The following EMC1 variants were observed in gnomAD, a reference collection of about 807,000 sequenced individuals.
The protein encoded by EMC1 is ER membrane protein complex subunit 1, also known as KIAA0090.
In EMC1, 103 loss-of-function variants were observed where a neutral mutation model predicts 128.8. The observed-to-expected ratio is 0.80, with a 90% confidence interval of 0.68 to 0.94. EMC1 has a LOEUF of 0.94. Among genes scored for constraint, EMC1 ranks in the 40% least tolerant of loss-of-function variants. The pLI is 0.00. For synonymous variants in EMC1, 442 were observed against 490.4 expected, an observed-to-expected ratio of 0.90 and a Z score of 1.30; for missense variants, 1,083 against 1,250.6, an observed-to-expected ratio of 0.87 and a Z score of 2.02.
intron 19 of EMC1, 134 bp downstream of exon 19, chr1:19,223,262 A>C: frequency 1.2e-6 from 1 of 802,298 alleles, no homozygotes; most frequent in Non-Finnish European, 2.1e-6. Context: ...CAGTGCCCTA[A>C]CCGGCACGCT....
At chr1:19,237,274 G>T in intron 11 of EMC1, 36 bp from the exon 12 acceptor site, 1 of 1,475,052 alleles carries the variant, frequency 6.8e-7, no homozygotes, top group Non-Finnish European at 9.5e-7. Context: ...TAGTCAGTGA[G>T]GATCCAAATG....
At position 19,216,489 on chromosome 1, in the gene EMC1, AC is replaced by A. The variant is rs1219040782; in HGVS notation, c.*2813del. On this transcript the variant is annotated 3_prime_UTR_variant, in exon 23 of 23. Coordinates refer to ENST00000477853, the MANE Select transcript of EMC1 (RefSeq NM_015047.3). ...ATACATTAGCTGAGCCTTTATAAAAACATCTCATGTACCCCATAAGTATATG... is the reference window on the plus strand; with the variant it reads ...ATACATTAGCTGAGCCTTTATAAAAAATCTCATGTACCCCATAAGTATATG... 6.6e-6 allele frequency: 1 copy of A among 152,202 alleles called. No homozygotes were observed. Among genetic ancestry groups the A allele is most frequent in the Non-Finnish European group, 1.5e-5 (1 of 68,034 alleles). 9.4% of individuals were successfully genotyped at this position (152,202 alleles called of 1,614,324 possible).
At chr1:19,249,254 C>T (rs149002066) in intron 1 of EMC1, among the ~76,000 whole-genome samples, 8 of 144,798 alleles carry the variant, frequency 5.5e-5, no homozygotes, top group African/African-American at 2.0e-4. Context: ...TAAGCCTTTA[C>T]ATTTACTCAC....
chr1:19,244,501 T>C, intron 2 of EMC1: 1 of 247,876 alleles, frequency 4.0e-6, no homozygotes, highest in Non-Finnish European at 7.9e-6. Flanking sequence ...AGCCTCAACC[T>C]GCTGGGCTCA....
At chr1:19,224,067 T>C (rs907063024) in intron 18 of EMC1, among the ~76,000 whole-genome samples, 5 of 152,206 alleles carry the variant, frequency 3.3e-5, no homozygotes, top group African/African-American at 1.2e-4. Flanking sequence ...TGCGACATTT[T>C]CTCACCTGGC....
intron 8 of EMC1, 157 bp downstream of exon 8, chr1:19,239,661 G>T: frequency 1.5e-6 from 1 of 685,530 alleles, no homozygotes; most frequent in Non-Finnish European, 2.5e-6. Flanking sequence ...CCATTTCTAT[G>T]ATAAGGCTAC....
At chr1:19,235,555 G>C (rs2093556653) in intron 12 of EMC1, among the ~76,000 whole-genome samples, 1 of 152,270 alleles carries the variant, frequency 6.6e-6, no homozygotes, top group Admixed American at 6.5e-5. Context: ...CAAAAAATTA[G>C]CCAGGCATGA....
At chr1:19,231,147 G>A in intron 16 of EMC1, 114 bp downstream of exon 16, 2 of 1,369,188 alleles carry the variant, frequency 1.5e-6, no homozygotes, top group Admixed American at 4.4e-5. Context: ...TGGCCTTAGA[G>A]CCCAAACACG....
intron 18 of EMC1, 140 bp from the exon 19 acceptor site, chr1:19,223,709 TTTC>T: frequency 1.4e-6 from 1 of 715,504 alleles, no homozygotes; most frequent in East Asian, 2.7e-5. Flanking sequence ...CTGTTTGGAA[TTTC>T]TCATCACTGC....
At chr1:19,241,486 A>T (rs956434314) in intron 5 of EMC1, among the ~76,000 whole-genome samples, 5 of 152,106 alleles carry the variant, frequency 3.3e-5, no homozygotes, top group African/African-American at 1.2e-4. Flanking sequence ...TTGCTCATGG[A>T]TATTTCATAA....
intron 13 of EMC1, among the ~76,000 whole-genome samples, chr1:19,233,426 G>T (rs919150804): frequency 6.6e-6 from 1 of 152,240 alleles, no homozygotes; most frequent in East Asian, 1.9e-4. Context: ...AGACAGCCAT[G>T]CTGTGAATGT....
In EMC1 at chr1:19,242,443, C is replaced by T. The variant is rs2093612072; in HGVS notation, c.411G>A (p.Gln137=). The stretch of plus-strand genomic sequence containing the variant: ...GGACTGCGATGTACCTTACAGACTC[C>T]TGCAGGCCAACCAGCCCAAGTGCCT... ...SFQALGLVGL[Q]ESVRYIAVLK... The change falls in exon 5 of 23, where the codon CAG becomes CAA. Residue 137 remains glutamine (Q), a synonymous_variant. Transcript: ENST00000477853. The T allele has an allele frequency of 6.2e-7, 1 of 1,614,168 alleles. No homozygotes were observed. Among genetic ancestry groups the T allele is most frequent in the East Asian group, 2.2e-5 (1 of 44,880 alleles).
chr1:19,239,452 G>C (rs544116860), intron 8 of EMC1, 150 bp from the exon 9 acceptor site: 1 of 668,750 alleles, frequency 1.5e-6, no homozygotes, highest in South Asian at 1.9e-5. Flanking sequence ...TAAGAGCAGA[G>C]GGAGGCCTCA....
intron 8 of EMC1, 75 bp from the exon 9 acceptor site, chr1:19,239,377 C>T (rs576705465): frequency 2.3e-6 from 3 of 1,316,480 alleles, no homozygotes; most frequent in East Asian, 2.3e-5. Flanking sequence ...GTCACCTCTC[C>T]AGGGAAGGCC....
chr1:19,248,340 G>T (rs965772586), intron 1 of EMC1, among the ~76,000 whole-genome samples: 1 of 152,142 alleles, frequency 6.6e-6, no homozygotes, highest in African/African-American at 2.4e-5. Flanking sequence ...TGGGACTACA[G>T]GCACCCACCA....
chr1:19,245,683 G>A (rs1275423491), intron 1 of EMC1, among the ~76,000 whole-genome samples: 2 of 143,702 alleles, frequency 1.4e-5, no homozygotes, highest in Non-Finnish European at 3.0e-5. Context: ...GGAGTGCAAT[G>A]GTGCAATCTC....
intron 17 of EMC1, among the ~76,000 whole-genome samples, chr1:19,227,928 G>A (rs1037606401): frequency 6.6e-5 from 10 of 151,178 alleles, no homozygotes; most frequent in East Asian, 2.0e-4. Flanking sequence ...ATACTAGACC[G>A]GGCGTGGTGG....
In EMC1 at chr1:19,218,300, T is replaced by C. The variant is rs2093407209; in HGVS notation, c.*1003A>G. On this transcript the variant is annotated 3_prime_UTR_variant, in exon 23 of 23. Coordinates refer to ENST00000477853, the MANE Select transcript of EMC1 (RefSeq NM_015047.3). Reference sequence around the variant, plus strand: ...CAGTGCTATACACACAGTATGCCAGTTTCCCACCCCTACCCTCTTTCTCCT... The same window carrying C: ...CAGTGCTATACACACAGTATGCCAGCTTCCCACCCCTACCCTCTTTCTCCT... 6.6e-6 allele frequency: 1 copy of C among 152,224 alleles called. No individual in the cohort carries two copies. Among genetic ancestry groups the C allele is most frequent in the Admixed American group, 6.5e-5 (1 of 15,282 alleles). 9.4% of individuals were successfully genotyped at this position (152,224 alleles called of 1,614,324 possible). A position where few individuals can be genotyped will look rare whatever the true frequency, so the allele number is the denominator to read the frequency against.
intron 1 of EMC1, among the ~76,000 whole-genome samples, chr1:19,250,168 T>C (rs2093651051): frequency 8.1e-6 from 1 of 124,030 alleles, no homozygotes; most frequent in South Asian, 2.4e-4. Context: ...TGGTGAGCCA[T>C]GAGATCGCGC....
Sources: gnomAD v4.1 joint callset for allele counts (sites outside exome capture counted in the v4.1 genomes callset) on GRCh38, gnomAD v4.1.1 for gene constraint, MANE v1.5 for transcripts, NCBI Gene and HGNC (gene_info 2026-07-23, HGNC 2026-07-21) for gene names.